The following GRID2 variants were observed in gnomAD, a reference collection of about 807,000 sequenced individuals.
GRID2 encodes glutamate ionotropic receptor delta type subunit 2.
A neutral mutation model predicts 114.8 loss-of-function variants in GRID2; 33 were observed. The ratio of observed to expected loss-of-function variants is 0.29; its 90% CI spans 0.22 to 0.38. The LOEUF (loss-of-function observed/expected upper bound fraction) is 0.38, where lower values mean the gene tolerates loss of function less well. GRID2 is among the 10% of genes least tolerant of loss of function. The probability of loss-of-function intolerance (pLI) is 1.00; values close to 1 mark genes in which losing one functional copy is unlikely to be tolerated. For missense variants in GRID2, 1,184 were observed against 1,257.7 expected, an observed-to-expected ratio of 0.94 and a Z score of 0.89; for synonymous variants, 505 against 449.9, an observed-to-expected ratio of 1.12 and a Z score of -1.55.
chr4:93,262,108 A>T (rs1750319791), intron 8 of GRID2, among the ~76,000 whole-genome samples: 1 of 151,672 alleles, frequency 6.6e-6, no homozygotes, highest in Admixed American at 6.6e-5. Context: ...CAAGTAAAAA[A>T]AGTCAATACC....
At chr4:93,449,318 A>G (rs1473044149) in intron 10 of GRID2, among the ~76,000 whole-genome samples, 1 of 152,036 alleles carries the variant, frequency 6.6e-6, no homozygotes, top group Non-Finnish European at 1.5e-5. Context: ...AAATGAAAGC[A>G]TTTCCTGAAG....
chr4:92,677,907 C>T (rs1385571597), intron 2 of GRID2, among the ~76,000 whole-genome samples: 1 of 152,050 alleles, frequency 6.6e-6, no homozygotes, highest in East Asian at 1.9e-4. Context: ...AGATCATGCT[C>T]CTTCACTACT....
At chr4:92,402,734 C>A (rs1416966508) in intron 1 of GRID2, among the ~76,000 whole-genome samples, 2 of 152,132 alleles carry the variant, frequency 1.3e-5, no homozygotes, top group South Asian at 2.1e-4. Flanking sequence ...ATTCTTAAGG[C>A]CCCTAGGATG....
chr4:92,397,421 G>A (rs1368172112), intron 1 of GRID2, among the ~76,000 whole-genome samples: 1 of 150,862 alleles, frequency 6.6e-6, no homozygotes, highest in Non-Finnish European at 1.5e-5. Context: ...GGAGGAGTTA[G>A]GCTGTTAACC....
downstream of GRID2, among the ~76,000 whole-genome samples, chr4:93,778,016 A>T (rs544166504): frequency 1.3e-5 from 2 of 152,174 alleles, no homozygotes. Flanking sequence ...AACTTCCTGA[A>T]TTTGAAAAAT....
intron 4 of GRID2, among the ~76,000 whole-genome samples, chr4:93,183,658 G>A (rs1331606377): frequency 2.0e-5 from 3 of 152,122 alleles, no homozygotes; most frequent in Admixed American, 6.5e-5. Context: ...CTATAATGTG[G>A]CCTGGAATTA....
intron 13 of GRID2, among the ~76,000 whole-genome samples, chr4:93,616,428 T>G (rs954408498): frequency 6.6e-6 from 1 of 151,230 alleles, no homozygotes; most frequent in African/African-American, 2.4e-5. Flanking sequence ...ACACCTGTAG[T>G]CCCAGCTACT....
chr4:93,758,464 A>G (rs928559764), intron 14 of GRID2, among the ~76,000 whole-genome samples: 3 of 152,206 alleles, frequency 2.0e-5, no homozygotes, highest in Non-Finnish European at 2.9e-5. Flanking sequence ...AGCCTACTAG[A>G]GTAGTTCTCA....
At chr4:92,533,470 TAC>T (rs1725453774) in intron 1 of GRID2, among the ~76,000 whole-genome samples, 1 of 151,676 alleles carries the variant, frequency 6.6e-6, no homozygotes, top group African/African-American at 2.4e-5. Context: ...CATACATACA[TAC>T]ATACATACAT....
chr4:93,770,315 C>T (rs1276885468), intron 15 of GRID2, among the ~76,000 whole-genome samples: 1 of 152,194 alleles, frequency 6.6e-6, no homozygotes, highest in East Asian at 1.9e-4. Flanking sequence ...TGGATAGCTT[C>T]AAAGAAACTT....
intron 13 of GRID2, among the ~76,000 whole-genome samples, chr4:93,578,566 G>T (rs1426459787): frequency 6.9e-6 from 1 of 145,584 alleles, no homozygotes; most frequent in Non-Finnish European, 1.5e-5. Flanking sequence ...TCCAGAAAAA[G>T]AACCTTGTCT....
intron 2 of GRID2, among the ~76,000 whole-genome samples, chr4:93,010,370 G>A (rs1484252657): frequency 6.6e-6 from 1 of 151,712 alleles, no homozygotes; most frequent in African/African-American, 2.4e-5. Context: ...TGCTGGAATG[G>A]CTCACAGAAC....
chr4:93,808,842 G>C (rs1041987548), exon 2 of GRID2: 13 of 152,308 alleles, frequency 8.5e-5, no homozygotes, highest in Non-Finnish European at 1.9e-4. Flanking sequence ...GAAAGCGCAT[G>C]CTTCCGAAAA....
chr4:93,336,650 A>G (rs1759124431), intron 8 of GRID2, among the ~76,000 whole-genome samples: 1 of 152,106 alleles, frequency 6.6e-6, no homozygotes, highest in Admixed American at 6.5e-5. Context: ...GCCAATTGTC[A>G]CTCTCAACAG....
chr4:92,765,716 A>C (rs1032167879), intron 2 of GRID2, among the ~76,000 whole-genome samples: 2 of 152,184 alleles, frequency 1.3e-5, no homozygotes, highest in Admixed American at 6.5e-5. Flanking sequence ...AGTGCATTTT[A>C]GTAGTTATGA....
In GRID2 at chr4:92,841,401, G is replaced by A. The variant is rs557716944; in HGVS notation, c.245-243594G>A. 9.9e-5 allele frequency among the ~76,000 whole-genome samples: 15 copies of A among 152,078 alleles called. No homozygotes were observed. The South Asian group carries it at 1.0e-3, about 11-fold the overall frequency. The stretch of plus-strand genomic sequence containing the variant: ...TTATAATTTTACATATGCAGAAGTC[G>A]GGGTTACAAGCTTATTTGAGGAGCT... On this transcript the variant is annotated intron_variant, in intron 2 of 15. Transcript: ENST00000282020.
At chr4:92,362,232 C>T (rs1265557464) in intron 1 of GRID2, among the ~76,000 whole-genome samples, 2 of 151,932 alleles carry the variant, frequency 1.3e-5, no homozygotes, top group East Asian at 3.9e-4. Flanking sequence ...GAATAATTCT[C>T]AACAGTAGCA....
chr4:93,196,419 A>C (rs1741497831), intron 4 of GRID2, among the ~76,000 whole-genome samples: 1 of 152,162 alleles, frequency 6.6e-6, no homozygotes, highest in African/African-American at 2.4e-5. Context: ...AAAAACAATA[A>C]AACCTTTTGA....
At chr4:92,759,344 G>A (rs1269655323) in intron 2 of GRID2, among the ~76,000 whole-genome samples, 2 of 151,664 alleles carry the variant, frequency 1.3e-5, no homozygotes, top group Non-Finnish European at 2.9e-5. Context: ...TTGTTGCTTG[G>A]GTCCTATTTT....
Sources: allele counts gnomAD v4.1 joint callset (sites outside exome capture counted in the v4.1 genomes callset), GRCh38; gene constraint gnomAD v4.1.1; transcripts MANE v1.5; gene names NCBI Gene and HGNC (gene_info 2026-07-23, HGNC 2026-07-21).